The following TRAF2 variants were observed in gnomAD, a reference collection of about 807,000 sequenced individuals.
TRAF2 encodes TNF receptor-associated factor 2.
Under a neutral mutation model 55.6 loss-of-function variants are expected in TRAF2, and 6 were observed. The observed-to-expected ratio is 0.11, with a 90% CI of 0.06 to 0.21. The LOEUF (loss-of-function observed/expected upper bound fraction) is 0.21, where lower values mean the gene tolerates loss of function less well. Among genes scored for constraint, TRAF2 ranks in the 10% least tolerant of loss-of-function variants. The probability of loss-of-function intolerance (pLI) is 1.00; values close to 1 mark genes in which losing one functional copy is unlikely to be tolerated. For synonymous variants in TRAF2, 329 were observed against 276.3 expected, an observed-to-expected ratio of 1.19 and a Z score of -1.89; for missense variants, 561 against 684.5, an observed-to-expected ratio of 0.82 and a Z score of 2.01.
At chr9:136,925,211 C>T (rs997046618) in intron 10 of TRAF2, among the ~76,000 whole-genome samples, 6 of 152,154 alleles carry the variant, frequency 3.9e-5, no homozygotes, top group Admixed American at 6.5e-5. Flanking sequence ...GTGTGGAGGG[C>T]CCACAGGCCC....
intron 7 of TRAF2, 133 bp downstream of exon 7, chr9:136,916,748 C>A: frequency 2.3e-6 from 2 of 860,992 alleles, no homozygotes; most frequent in East Asian, 2.6e-5. Flanking sequence ...CCTCCTGCCC[C>A]GGCTGTCCGA....
At chr9:136,910,106 G>A in intron 6 of TRAF2, 112 bp downstream of exon 6, 1 of 1,136,384 alleles carries the variant, frequency 8.8e-7, no homozygotes, top group African/African-American at 1.5e-5. Flanking sequence ...CAAAGGAACA[G>A]CAGTGCAAAG....
At chr9:136,887,973 G>A (rs897395366) in intron 1 of TRAF2, among the ~76,000 whole-genome samples, 1 of 152,024 alleles carries the variant, frequency 6.6e-6, no homozygotes, top group African/African-American at 2.4e-5. Flanking sequence ...GGGTTCAAGC[G>A]ATTTTTCTGC....
At chr9:136,904,226 T>C (rs1310688150) in intron 4 of TRAF2, among the ~76,000 whole-genome samples, 3 of 152,140 alleles carry the variant, frequency 2.0e-5, no homozygotes, top group Non-Finnish European at 4.4e-5. Context: ...TTTTTAGAAA[T>C]AGAGTCTCGC....
At chr9:136,883,651 G>A (rs1053795180), upstream of TRAF2, among the ~76,000 whole-genome samples, 3 of 151,502 alleles carry the variant, frequency 2.0e-5, no homozygotes, top group African/African-American at 2.4e-5. Context: ...TGAGTAATTG[G>A]GATTACAGGC....
At chr9:136,889,533 C>T (rs1849530712) in intron 1 of TRAF2, 1 of 152,230 alleles carries the variant, frequency 6.6e-6, no homozygotes, top group Admixed American at 6.5e-5. Flanking sequence ...ATCCACCTGC[C>T]TTGGCACTCC....
intron 1 of TRAF2, among the ~76,000 whole-genome samples, chr9:136,887,409 C>G (rs1849478544): frequency 6.6e-6 from 1 of 152,188 alleles, no homozygotes; most frequent in African/African-American, 2.4e-5. Flanking sequence ...GGGGAACGGT[C>G]AGGGCCAGAG....
At chr9:136,910,578 G>A (rs965286630) in intron 6 of TRAF2, among the ~76,000 whole-genome samples, 1 of 152,248 alleles carries the variant, frequency 6.6e-6, no homozygotes, top group South Asian at 2.1e-4. Flanking sequence ...CCTTGTTGGA[G>A]GTGTGAGGGT....
intron 5 of TRAF2, among the ~76,000 whole-genome samples, chr9:136,908,890 AAGC>A (rs1412378021): frequency 6.7e-6 from 1 of 148,438 alleles, no homozygotes; most frequent in African/African-American, 2.5e-5. Context: ...AAAAAAAAAA[AAGC>A]CAGGCACGGT....
chr9:136,887,198 C>T (rs1849473183), intron 1 of TRAF2, among the ~76,000 whole-genome samples: 1 of 152,090 alleles, frequency 6.6e-6, no homozygotes, highest in South Asian at 2.1e-4. Flanking sequence ...CTGCGGTGGA[C>T]CGGGCCGGGA....
intron 8 of TRAF2, among the ~76,000 whole-genome samples, 186 bp downstream of exon 8, chr9:136,920,701 C>T (rs1460130129): frequency 6.6e-6 from 1 of 152,216 alleles, no homozygotes; most frequent in Admixed American, 6.5e-5. Flanking sequence ...GTCCTGTCAT[C>T]TAAGGGGCCC....
chr9:136,901,283 A>AT (rs775703530), intron 4 of TRAF2, among the ~76,000 whole-genome samples: 3 of 152,182 alleles, frequency 2.0e-5, no homozygotes, highest in Non-Finnish European at 4.4e-5. Flanking sequence ...AATGCCCTTT[A>AT]AGAGGTTTCT....
chr9:136,888,141 G>C (rs1849495556), intron 1 of TRAF2, among the ~76,000 whole-genome samples: 1 of 152,154 alleles, frequency 6.6e-6, no homozygotes, highest in Non-Finnish European at 1.5e-5. Flanking sequence ...AAAGTGCTAG[G>C]ATTACAGGCA....
chr9:136,884,466 A>G (rs1849410405), upstream of TRAF2, among the ~76,000 whole-genome samples: 1 of 152,082 alleles, frequency 6.6e-6, no homozygotes, highest in Non-Finnish European at 1.5e-5. Flanking sequence ...AGGCTTAGGC[A>G]GGAGAATTTC....
At position 136,926,452 on chromosome 9, in the gene TRAF2, T is replaced by C; in HGVS notation, c.*551T>C. The stretch of plus-strand genomic sequence containing the variant: ...CTTGTCTGCACAGAGCTCTGGTCTG[T>C]GCCACCTTGGCCAGGCTGGCTGTGG... On this transcript the variant is annotated 3_prime_UTR_variant, in exon 11 of 11. Transcript: ENST00000247668. 1 of 231,386 alleles carries C rather than the reference T, an allele frequency of 4.3e-6. No individual in the cohort carries two copies. The highest frequency in any genetic ancestry group is 8.6e-6 in the Non-Finnish European group (1 of 116,410). The allele number at this position is 231,386 out of a possible 1,614,324, so 14.3% of individuals were successfully genotyped here. A position where few individuals can be genotyped will look rare whatever the true frequency, so the allele number is the denominator to read the frequency against.
intron 6 of TRAF2, among the ~76,000 whole-genome samples, chr9:136,915,590 CTG>C (rs892164444): frequency 6.6e-6 from 1 of 151,958 alleles, no homozygotes; most frequent in African/African-American, 2.4e-5. Context: ...TGCTTAGGCT[CTG>C]TGCAAACACT....
intron 1 of TRAF2, among the ~76,000 whole-genome samples, chr9:136,888,859 G>C (rs1272836167): frequency 6.6e-6 from 1 of 152,092 alleles, no homozygotes; most frequent in East Asian, 1.9e-4. Context: ...CAGCAACAAG[G>C]GTGCCAGATG....
chr9:136,905,800 C>T (rs1329419071), intron 4 of TRAF2, among the ~76,000 whole-genome samples: 1 of 152,062 alleles, frequency 6.6e-6, no homozygotes, highest in Non-Finnish European at 1.5e-5. Flanking sequence ...AGTTCAAGAC[C>T]AGCCTGGGTA....
At chr9:136,889,939 G>A (rs573970984) in intron 1 of TRAF2, among the ~76,000 whole-genome samples, 16 of 150,198 alleles carry the variant, frequency 1.1e-4, no homozygotes, top group South Asian at 1.1e-3. Context: ...GCTCGTCACC[G>A]CGTGTGTGAG....
Sources: gnomAD v4.1 joint callset for allele counts (sites outside exome capture counted in the v4.1 genomes callset) on GRCh38, gnomAD v4.1.1 for gene constraint, MANE v1.5 for transcripts, NCBI Gene and HGNC (gene_info 2026-07-23, HGNC 2026-07-21) for gene names.